Variants in PEAK1 observed in about 807,000 individuals in gnomAD.
PEAK1 encodes the protein pseudopodium enriched atypical kinase 1.
Under a neutral mutation model 124.7 loss-of-function variants are expected in PEAK1, and 54 were observed. The ratio of observed to expected loss-of-function variants is 0.43; its 90% confidence interval spans 0.35 to 0.54. The LOEUF (loss-of-function observed/expected upper bound fraction) is 0.54, where lower values mean the gene tolerates loss of function less well. PEAK1 is among the 20% of genes least tolerant of loss of function. The pLI is 0.01. For missense variants in PEAK1, 2,046 were observed against 2,134.5 expected, an observed-to-expected ratio of 0.96 and a Z score of 0.82; for synonymous variants, 719 against 760.0, an observed-to-expected ratio of 0.95 and a Z score of 0.89.
intron 6 of PEAK1, among the ~76,000 whole-genome samples, chr15:77,201,163 C>A (rs7163503): frequency 0.66 from 98,724 of 150,660 alleles, 33,303 homozygotes; most frequent in Non-Finnish European, 0.75. Flanking sequence ...TCTACCACTC[C>A]ATGTCTTTCC....
At chr15:77,220,664 C>T (rs1321238571) in intron 6 of PEAK1, among the ~76,000 whole-genome samples, 1 of 151,768 alleles carries the variant, frequency 6.6e-6, no homozygotes, top group Admixed American at 6.6e-5. Flanking sequence ...ATTCACATGT[C>T]TTTTTATCTT....
chr15:77,243,132 A>G (rs2060431233), intron 6 of PEAK1, among the ~76,000 whole-genome samples: 1 of 152,178 alleles, frequency 6.6e-6, no homozygotes, highest in Non-Finnish European at 1.5e-5. Flanking sequence ...TGCTTTCCCT[A>G]GTTTATTTCT....
chr15:77,385,711 T>C (rs942709070), intron 1 of PEAK1, among the ~76,000 whole-genome samples: 39 of 152,182 alleles, frequency 2.6e-4, no homozygotes, highest in African/African-American at 8.9e-4. Flanking sequence ...TGGAAAACCC[T>C]GAAGTCTGAA....
chr15:77,139,914 C>T (rs930759692), intron 8 of PEAK1, among the ~76,000 whole-genome samples: 1 of 151,758 alleles, frequency 6.6e-6, no homozygotes, highest in African/African-American at 2.4e-5. Flanking sequence ...TATGAGAATG[C>T]TAAGCTTCAA....
intron 2 of PEAK1, among the ~76,000 whole-genome samples, chr15:77,301,917 T>C (rs1197850497): frequency 6.6e-6 from 1 of 152,224 alleles, no homozygotes; most frequent in African/African-American, 2.4e-5. Flanking sequence ...TCGTAGATAT[T>C]TACTTTATAC....
At position 77,110,360 on chromosome 15, in the gene PEAK1, T is replaced by G. The variant is rs946181972; in HGVS notation, c.*3796A>C. On this transcript the variant is annotated 3_prime_UTR_variant, in exon 10 of 10. Coordinates refer to ENST00000682557, the MANE Select transcript of PEAK1 (RefSeq NM_001385026.1). ...TGCCCACCTCGCCCTCCTAAAGTGT[T>G]GGGATTACAGGCGTGAGCCACTGCG... The G allele has an allele frequency of 6.6e-6, 1 of 152,246 alleles. No individual in the cohort carries two copies. The highest frequency in any genetic ancestry group is 1.5e-5 in the Non-Finnish European group (1 of 68,074). 9.4% of individuals were successfully genotyped at this position (152,246 alleles called of 1,614,324 possible).
chr15:77,189,500 GTGTAAGAAA>G (rs1372888997), intron 6 of PEAK1, among the ~76,000 whole-genome samples: 1 of 152,190 alleles, frequency 6.6e-6, no homozygotes, highest in Non-Finnish European at 1.5e-5. Flanking sequence ...GAATGAAGAA[GTGTAAGAAA>G]TAGGCACACC....
chr15:77,404,600 A>G, intron 1 of PEAK1: 5 of 904,140 alleles, frequency 5.5e-6, no homozygotes, highest in Non-Finnish European at 6.6e-6. Context: ...TGTGGTTTGC[A>G]CTATTTCTAT....
At position 77,109,733 on chromosome 15, in the gene PEAK1, A is replaced by G. The variant is rs549719623; in HGVS notation, c.*4423T>C. 9.9e-5 allele frequency: 15 copies of G among 152,238 alleles called. No individual in the cohort carries two copies. Among genetic ancestry groups the G allele is most frequent in the Non-Finnish European group, 1.9e-4 (13 of 68,046 alleles). The allele number at this position is 152,238 out of a possible 1,614,324, so 9.4% of individuals were successfully genotyped here. On this transcript the variant is annotated 3_prime_UTR_variant, in exon 10 of 10. Coordinates refer to ENST00000682557, the MANE Select transcript of PEAK1 (RefSeq NM_001385026.1). Reference sequence around the variant, plus strand: ...TAATAACTTGGTTTTGTGGGCAGCCATCCTGTTCACTCATTAGGCTGGAGC... The same window carrying G: ...TAATAACTTGGTTTTGTGGGCAGCCGTCCTGTTCACTCATTAGGCTGGAGC...
intron 9 of PEAK1, among the ~76,000 whole-genome samples, chr15:77,130,953 G>C (rs780248477): frequency 1.3e-5 from 2 of 152,154 alleles, no homozygotes; most frequent in Non-Finnish European, 2.9e-5. Context: ...TATTGACAAA[G>C]CTACTAAGAG....
At chr15:77,399,596 G>A (rs1400367913) in intron 1 of PEAK1, among the ~76,000 whole-genome samples, 3 of 152,082 alleles carry the variant, frequency 2.0e-5, no homozygotes, top group African/African-American at 7.2e-5. Flanking sequence ...GTGCTGGGGA[G>A]ACTGGCTATC....
At chr15:77,336,086 A>G in intron 2 of PEAK1, 1 of 985,396 alleles carries the variant, frequency 1.0e-6, no homozygotes, top group Non-Finnish European at 1.2e-6. Flanking sequence ...ACTGCTATGA[A>G]AGACTAAACA....
At chr15:77,225,666 T>TTATATG (rs2059604465) in intron 6 of PEAK1, among the ~76,000 whole-genome samples, 1 of 87,994 alleles carries the variant, frequency 1.1e-5, no homozygotes. Context: ...TGTGTATAAT[T>TTATATG]TATATATATA....
chr15:77,390,289 A>G (rs1448670989), intron 1 of PEAK1, among the ~76,000 whole-genome samples: 1 of 152,220 alleles, frequency 6.6e-6, no homozygotes, highest in Non-Finnish European at 1.5e-5. Context: ...GGGAGAAGAA[A>G]AAGAAAGGAT....
downstream of PEAK1, chr15:77,105,918 C>G (rs2050746566): frequency 6.6e-6 from 1 of 152,290 alleles, no homozygotes; most frequent in South Asian, 2.1e-4. Context: ...TAATGGAATT[C>G]TCAGGAATGA....
At chr15:77,390,225 T>C (rs913038123) in intron 1 of PEAK1, among the ~76,000 whole-genome samples, 16 of 152,168 alleles carry the variant, frequency 1.1e-4, no homozygotes, top group African/African-American at 3.6e-4. Context: ...TGAGTATCTG[T>C]GGGGGAAGTG....
chr15:77,289,072 A>G (rs1350058725), intron 2 of PEAK1, among the ~76,000 whole-genome samples: 1 of 152,256 alleles, frequency 6.6e-6, no homozygotes, highest in Non-Finnish European at 1.5e-5. Flanking sequence ...ATCCCTATAA[A>G]GAGCCTTAGA....
At chr15:77,268,370 A>G (rs1268195821) in intron 5 of PEAK1, among the ~76,000 whole-genome samples, 1 of 152,042 alleles carries the variant, frequency 6.6e-6, no homozygotes, top group African/African-American at 2.4e-5. Flanking sequence ...GCTACGCAGA[A>G]GGCTGAGGTA....
Position 77,115,052 on chromosome 15 carries a change from CCT to C in PEAK1, c.4343_4344del (p.Gln1448ArgfsTer25). 1 of 1,614,152 alleles carries C rather than the reference CCT, an allele frequency of 6.2e-7. No individual in the cohort carries two copies. Among genetic ancestry groups the C allele is most frequent in the Non-Finnish European group, 8.5e-7 (1 of 1,180,028 alleles). On this transcript the variant is annotated frameshift_variant, in exon 10 of 10. Coordinates refer to ENST00000682557, the MANE Select transcript of PEAK1 (RefSeq NM_001385026.1). LOFTEE classifies it high-confidence loss of function. ...SEAASSQKEN[Q>X]GVMSKKQRSH... ...CTCCTCTGCTTCTTGCTCATGACTC[CCT>C]GATTCTCTTTCTGGGATGATGCTGC...
Sources: gnomAD v4.1 joint callset for allele counts (sites outside exome capture counted in the v4.1 genomes callset) on GRCh38, gnomAD v4.1.1 for gene constraint, MANE v1.5 for transcripts, NCBI Gene and HGNC (gene_info 2026-07-23, HGNC 2026-07-21) for gene names.